Variants in PTPN3 observed in about 807,000 individuals in gnomAD.
The protein encoded by PTPN3 is tyrosine-protein phosphatase non-receptor type 3.
Under a neutral mutation model 132.7 loss-of-function variants are expected in PTPN3, and 96 were observed. That is an observed-to-expected ratio of 0.72 (90% CI 0.61 to 0.86). The LOEUF (loss-of-function observed/expected upper bound fraction) is 0.86, where lower values mean the gene tolerates loss of function less well. Among genes scored for constraint, PTPN3 ranks in the 40% least tolerant of loss-of-function variants. The pLI is 0.00. For synonymous variants in PTPN3, 398 were observed against 429.0 expected, an observed-to-expected ratio of 0.93 and a Z score of 0.89; for missense variants, 1,125 against 1,159.6, an observed-to-expected ratio of 0.97 and a Z score of 0.43.
At chr9:109,518,937 C>T in the PTPN3 span, among the ~76,000 whole-genome samples, 1 of 152,092 alleles carries the variant, frequency 6.6e-6, no homozygotes, top group African/African-American at 2.4e-5. Context: ...CTGGCAAACT[C>T]CTATTCATCC....
chr9:109,500,487 A>C (rs1414753643), upstream of PTPN3, among the ~76,000 whole-genome samples: 1 of 152,138 alleles, frequency 6.6e-6, no homozygotes, highest in Non-Finnish European at 1.5e-5. Flanking sequence ...ATACTCCCCA[A>C]ATTGGAAACA....
At chr9:109,479,171 C>G (rs571713097) in intron 1 of PTPN3, among the ~76,000 whole-genome samples, 41 of 152,246 alleles carry the variant, frequency 2.7e-4, no homozygotes, top group African/African-American at 7.7e-4. Context: ...ACTCTGTACC[C>G]ATTAGGCAAT....
chr9:109,407,343 T>C (rs77305900), intron 17 of PTPN3, among the ~76,000 whole-genome samples: 2,624 of 152,146 alleles, frequency 0.017, 69 homozygotes, highest in African/African-American at 0.06. Context: ...TACCACTGCA[T>C]TCCAGCCTGG....
At chr9:109,521,299 C>T in the PTPN3 span, among the ~76,000 whole-genome samples, 3 of 151,972 alleles carry the variant, frequency 2.0e-5, no homozygotes, top group Non-Finnish European at 4.4e-5. Context: ...ACTGGGACCA[C>T]AGGTGCGCAC....
chr9:109,382,751 GTTT>G (rs113019092), intron 23 of PTPN3, among the ~76,000 whole-genome samples: 2 of 127,168 alleles, frequency 1.6e-5, no homozygotes, highest in African/African-American at 2.9e-5. Context: ...CATGCTGACT[GTTT>G]TTTTTTTTTT....
In PTPN3 at chr9:109,377,047, C is replaced by T. The variant is rs1838615046; in HGVS notation, c.*2509G>A. 1 of 152,218 alleles carries T rather than the reference C, an allele frequency of 6.6e-6. No homozygotes were observed. Among genetic ancestry groups the T allele is most frequent in the Non-Finnish European group, 1.5e-5 (1 of 68,030 alleles). 9.4% of individuals were successfully genotyped at this position (152,218 alleles called of 1,614,324 possible). A position where few individuals can be genotyped will look rare whatever the true frequency, so the allele number is the denominator to read the frequency against. ...AAAAAAGCAGTAAAACACCCATCTC[C>T]AAAGACATTTAGACTACTTTGCAAG... On this transcript the variant is annotated 3_prime_UTR_variant, in exon 26 of 26. Coordinates refer to ENST00000374541, the MANE Select transcript of PTPN3 (RefSeq NM_002829.4).
intron 14 of PTPN3, among the ~76,000 whole-genome samples, chr9:109,413,128 G>A (rs900571323): frequency 7.1e-6 from 1 of 140,446 alleles, no homozygotes; most frequent in African/African-American, 2.7e-5. Flanking sequence ...TTTTTTTTTT[G>A]TATTTTTAGT....
At chr9:109,434,866 C>T (rs1371607111) in intron 9 of PTPN3, among the ~76,000 whole-genome samples, 2 of 152,136 alleles carry the variant, frequency 1.3e-5, no homozygotes, top group Non-Finnish European at 2.9e-5. Context: ...AACGTCCATT[C>T]CCCTTTGCCG....
Position 109,378,519 on chromosome 9 carries a change from T to C in PTPN3, c.*1037A>G, listed in dbSNP as rs1838759788. The C allele has an allele frequency of 6.6e-6, 1 of 152,600 alleles. No individual in the cohort carries two copies. The highest frequency in any genetic ancestry group is 1.5e-5 in the Non-Finnish European group (1 of 68,032). 9.5% of individuals were successfully genotyped at this position (152,600 alleles called of 1,614,324 possible). Reference sequence around the variant, plus strand: ...ATATACTCAACGGTAATTTGAATCGTTAGGAATCCTGAGAAACACTCACCC... The same window carrying C: ...ATATACTCAACGGTAATTTGAATCGCTAGGAATCCTGAGAAACACTCACCC... On this transcript the variant is annotated 3_prime_UTR_variant, in exon 26 of 26. Coordinates refer to ENST00000374541, the MANE Select transcript of PTPN3 (RefSeq NM_002829.4).
chr9:109,490,525 G>T (rs949855968), intron 1 of PTPN3, among the ~76,000 whole-genome samples: 1 of 152,054 alleles, frequency 6.6e-6, no homozygotes, highest in African/African-American at 2.4e-5. Context: ...ATCACCTGAG[G>T]TCGGGAGTTG....
chr9:109,443,305 G>A (rs1482842590), intron 7 of PTPN3, among the ~76,000 whole-genome samples: 1 of 151,918 alleles, frequency 6.6e-6, no homozygotes, highest in Non-Finnish European at 1.5e-5. Flanking sequence ...TCGACCTCCT[G>A]GGATCAAGTG....
intron 1 of PTPN3, among the ~76,000 whole-genome samples, chr9:109,492,882 T>C (rs1847523834): frequency 6.6e-6 from 1 of 152,246 alleles, no homozygotes; most frequent in Admixed American, 6.5e-5. Context: ...AGAGCTTCTC[T>C]AGTGCCGATG....
intron 14 of PTPN3, among the ~76,000 whole-genome samples, chr9:109,416,600 C>G (rs7865929): frequency 6.6e-6 from 1 of 151,822 alleles, no homozygotes; most frequent in Admixed American, 6.6e-5. Context: ...CAGACAACAT[C>G]GTGCCCGCCT....
intron 1 of PTPN3, among the ~76,000 whole-genome samples, chr9:109,476,602 G>A (rs1846679214): frequency 6.6e-6 from 1 of 152,124 alleles, no homozygotes; most frequent in Non-Finnish European, 1.5e-5. Context: ...GGAGTACTCT[G>A]GGACAGGAGG....
At chr9:109,533,829 C>T in the PTPN3 span, 2 of 868,290 alleles carry the variant, frequency 2.3e-6, no homozygotes, top group Admixed American at 2.0e-5. Flanking sequence ...TTCTTTCCCC[C>T]ACTCTCGCTA....
chr9:109,486,753 C>T (rs1460291739), intron 1 of PTPN3, among the ~76,000 whole-genome samples: 1 of 152,152 alleles, frequency 6.6e-6, no homozygotes, highest in African/African-American at 2.4e-5. Flanking sequence ...TTCCCATAAT[C>T]CTCACATGTC....
chr9:109,527,236 G>A, the PTPN3 span, among the ~76,000 whole-genome samples: 7 of 152,182 alleles, frequency 4.6e-5, no homozygotes, highest in African/African-American at 1.2e-4. Context: ...CAAGGTGGGC[G>A]GATAATTTGA....
intron 23 of PTPN3, among the ~76,000 whole-genome samples, chr9:109,382,719 G>A (rs1371301987): frequency 5.3e-5 from 8 of 150,500 alleles, no homozygotes; most frequent in Admixed American, 4.0e-4. Context: ...TGCTGCTATG[G>A]TACTTGCCAT....
At chr9:109,457,642 C>T (rs1423832639) in intron 2 of PTPN3, among the ~76,000 whole-genome samples, 1 of 152,200 alleles carries the variant, frequency 6.6e-6, no homozygotes, top group Non-Finnish European at 1.5e-5. Flanking sequence ...TTTCTTCCTT[C>T]CCCCTTAGCT....
Sources: gnomAD v4.1 joint callset for allele counts (sites outside exome capture counted in the v4.1 genomes callset) on GRCh38, gnomAD v4.1.1 for gene constraint, MANE v1.5 for transcripts, NCBI Gene and HGNC (gene_info 2026-07-23, HGNC 2026-07-21) for gene names.